PHC2: variants seen among roughly 807,000 people sequenced by gnomAD.
PHC2 encodes the protein polyhomeotic-like protein 2.
PHC2 carries 29 observed loss-of-function variants against 87.4 expected under a neutral mutation model. The observed-to-expected ratio is 0.33, with a 90% CI of 0.25 to 0.45. The LOEUF (loss-of-function observed/expected upper bound fraction) is 0.45. Among genes scored for constraint, PHC2 ranks in the 20% least tolerant of loss-of-function variants. The pLI, the probability that PHC2 is intolerant of heterozygous loss-of-function variation, is 1.00. For missense variants in PHC2, 857 were observed against 1,136.7 expected (o/e 0.75, Z 3.54); for synonymous variants, 438 against 461.7 (o/e 0.95, Z 0.66).
In PHC2 at chr1:33,367,324, C is replaced by T. The variant is rs199793304; in HGVS notation, c.768G>A (p.Pro256=). 4.6e-5 allele frequency: 74 copies of T among 1,613,002 alleles called. No individual in the cohort carries two copies. In the Admixed American group the frequency reaches 1.0e-3, roughly 23 times the overall value. ...GGGTAGGCAGAGGCTGGCTACCGCC[C>T]GGCGTGGGTTTCAGGGCCAAGCTGG... ...VLPSLALKPT[P]GGSQPLPTPA... The change falls in exon 7 of 15, where the codon CCG becomes CCA. Residue 256 remains proline, a synonymous_variant. Transcript: ENST00000683057.
intron 7 of PHC2, among the ~76,000 whole-genome samples, chr1:33,362,259 C>G (rs1195038808): frequency 2.0e-5 from 3 of 152,204 alleles, no homozygotes; most frequent in Admixed American, 1.3e-4. Flanking sequence ...TAAATGGTAA[C>G]TATTTTAAAA....
intron 1 of PHC2, among the ~76,000 whole-genome samples, chr1:33,376,345 T>C (rs1225172709): frequency 6.6e-6 from 1 of 152,238 alleles, no homozygotes; most frequent in Non-Finnish European, 1.5e-5. Context: ...ACTTGGGAAC[T>C]GAGGTCTTAA....
chr1:33,418,202 A>C (rs1008258022), intron 1 of PHC2, among the ~76,000 whole-genome samples: 1 of 152,120 alleles, frequency 6.6e-6, no homozygotes, highest in Admixed American at 6.5e-5. Flanking sequence ...CAAAGCAAAC[A>C]AAAGGAAGGA....
At chr1:33,363,698 A>G (rs1459259748) in intron 7 of PHC2, 1 of 961,954 alleles carries the variant, frequency 1.0e-6, no homozygotes, top group Non-Finnish European at 1.2e-6. Context: ...CCCTTTTATC[A>G]CAGCATATCC....
At chr1:33,401,067 C>T (rs1649503494) in intron 1 of PHC2, among the ~76,000 whole-genome samples, 1 of 152,176 alleles carries the variant, frequency 6.6e-6, no homozygotes, top group Non-Finnish European at 1.5e-5. Context: ...TGGCTCACGT[C>T]TGTAATCCTA....
At chr1:33,326,766 A>C (rs549625064) in intron 14 of PHC2, among the ~76,000 whole-genome samples, 87 of 152,282 alleles carry the variant, frequency 5.7e-4, no homozygotes, top group African/African-American at 2.0e-3. Context: ...CCAGCCTGCC[A>C]ACATGGTGAA....
At chr1:33,381,651 C>T (rs147231371) in intron 1 of PHC2, among the ~76,000 whole-genome samples, 14 of 151,206 alleles carry the variant, frequency 9.3e-5, no homozygotes, top group African/African-American at 3.4e-4. Context: ...TCCCATGATC[C>T]TCTCTGCAAC....
Position 33,349,441 on chromosome 1 carries a change from G to A in PHC2, c.1558+4960C>T, listed in dbSNP as rs1646914702. ...AGGCTGGGGAGCAGGGCACCTCCCA[G>A]GCGCCGCGCGGACGAGAGCCGCGAC... On this transcript the variant is annotated intron_variant, in intron 9 of 14. Transcript: ENST00000683057. This position sits in a 1 kb window ranked among gnomAD's most constrained non-coding sequence, Gnocchi z 4.2. 3 of 985,174 alleles carry A rather than the reference G, an allele frequency of 3.0e-6. No homozygotes were observed. The highest frequency in any genetic ancestry group is 3.6e-6 in the Non-Finnish European group (3 of 829,880). The allele number at this position is 985,174 out of a possible 1,614,324, so 61.0% of individuals were successfully genotyped here.
chr1:33,366,995 G>A lies in PHC2; in HGVS notation c.976+121C>T, dbSNP rs979684974. On this transcript the variant is annotated intron_variant, in intron 7 of 14. Transcript: ENST00000683057. ...GACATTTTGAGATAGGGAGGGAGGAGAGAGAGATCCATGGCTGGTATCTTT... is the reference window on the plus strand; with the variant it reads ...GACATTTTGAGATAGGGAGGGAGGAAAGAGAGATCCATGGCTGGTATCTTT... The A allele has an allele frequency of 1.0e-5, 9 of 865,222 alleles. No homozygotes were observed. The African/African-American group carries it at 1.3e-4, about 13-fold the overall frequency. The allele number at this position is 865,222 out of a possible 1,614,324, so 53.6% of individuals were successfully genotyped here. A position where few individuals can be genotyped will look rare whatever the true frequency, so the allele number is the denominator to read the frequency against.
At chr1:33,411,484 A>T (rs1324052378) in intron 1 of PHC2, among the ~76,000 whole-genome samples, 1 of 151,980 alleles carries the variant, frequency 6.6e-6, no homozygotes, top group Non-Finnish European at 1.5e-5. Context: ...ATATTAAGGC[A>T]AAGTTTAACA....
At chr1:33,326,054 A>G (rs759476890) in intron 14 of PHC2, 9 of 350,954 alleles carry the variant, frequency 2.6e-5, no homozygotes, top group Non-Finnish European at 5.2e-5. Flanking sequence ...TGTGGTTGGT[A>G]GCAGAAATGT....
At chr1:33,430,520 G>C (rs1022525537) in intron 1 of PHC2, among the ~76,000 whole-genome samples, 1 of 152,096 alleles carries the variant, frequency 6.6e-6, no homozygotes, top group Non-Finnish European at 1.5e-5. Context: ...GGGACAAGCG[G>C]AGCAGGCGCA....
chr1:33,377,546 T>C (rs1231215100), intron 1 of PHC2, among the ~76,000 whole-genome samples: 2 of 152,134 alleles, frequency 1.3e-5, no homozygotes, highest in Non-Finnish European at 2.9e-5. Flanking sequence ...TCCTCTTTTT[T>C]TCTTTTTCCA....
intron 9 of PHC2, among the ~76,000 whole-genome samples, chr1:33,341,273 C>T (rs908710435): frequency 1.3e-5 from 2 of 152,218 alleles, no homozygotes; most frequent in Non-Finnish European, 2.9e-5. Flanking sequence ...ACACTAGAAC[C>T]CAGTGCTTTA....
At chr1:33,363,607 G>A in intron 7 of PHC2, 1 of 227,720 alleles carries the variant, frequency 4.4e-6, no homozygotes, top group Non-Finnish European at 7.3e-6. Context: ...CCTGAGGCGG[G>A]CTGAGGATGC....
In PHC2 at chr1:33,364,725, A is replaced by G. The variant is rs1454840547; in HGVS notation, c.976+2391T>C. On this transcript the variant is annotated intron_variant, in intron 7 of 14. Transcript: ENST00000683057. The surrounding 1 kb of genome is among the most constrained non-coding windows in gnomAD (Gnocchi z 4.1). ...GTGGGAGAGAGGAAGAATGAACAGG[A>G]TGGTGGGAGGCAGGAACAATGCAGG... Among the ~76,000 whole-genome samples the G allele has an allele frequency of 1.3e-5, 2 of 152,128 alleles. No individual in the cohort carries two copies. Among genetic ancestry groups the G allele is most frequent in the Non-Finnish European group, 1.5e-5 (1 of 68,010 alleles).
At chr1:33,362,198 T>G (rs1023233996) in intron 7 of PHC2, among the ~76,000 whole-genome samples, 2 of 152,240 alleles carry the variant, frequency 1.3e-5, no homozygotes, top group African/African-American at 4.8e-5. Context: ...GTATTTTGTT[T>G]AAACCACAAA....
intron 9 of PHC2, among the ~76,000 whole-genome samples, chr1:33,340,919 TG>T (rs1213952426): frequency 2.1e-4 from 6 of 28,276 alleles, no homozygotes; most frequent in Non-Finnish European, 3.9e-4. Flanking sequence ...AGGGATGGGG[TG>T]GGGGAGGGGG....
At chr1:33,350,955 T>C (rs929910660) in intron 9 of PHC2, among the ~76,000 whole-genome samples, 9 of 152,206 alleles carry the variant, frequency 5.9e-5, no homozygotes, top group African/African-American at 2.2e-4. Context: ...TGCCCACACT[T>C]TCCTGCCTCC....
Sources: gnomAD v4.1 joint callset for allele counts (sites outside exome capture counted in the v4.1 genomes callset) on GRCh38, gnomAD v4.1.1 for gene constraint, Gnocchi (gnomAD v3.1) non-coding constraint, MANE v1.5 for transcripts, NCBI Gene and HGNC (gene_info 2026-07-23, HGNC 2026-07-21) for gene names.